The following ANXA4 variants were observed in gnomAD, a reference collection of about 807,000 sequenced individuals.
ANXA4 encodes the protein 35-beta calcimedin.
Under a neutral mutation model 49.8 loss-of-function variants are expected in ANXA4, and 39 were observed. The ratio of observed to expected loss-of-function variants is 0.78; its 90% CI spans 0.61 to 1.02. ANXA4 has a LOEUF of 1.02. Among genes scored for constraint, ANXA4 ranks in the 50% least tolerant of loss-of-function variants. The pLI, the probability that ANXA4 is intolerant of heterozygous loss-of-function variation, is 0.00. For synonymous variants in ANXA4, 134 were observed against 152.5 expected, an observed-to-expected ratio of 0.88 and a Z score of 0.89; for missense variants, 360 against 410.1, an observed-to-expected ratio of 0.88 and a Z score of 1.05.
chr2:69,732,804 T>TA (rs1344601712), intron 3 of ANXA4, among the ~76,000 whole-genome samples: 2 of 152,138 alleles, frequency 1.3e-5, no homozygotes, highest in African/African-American at 4.8e-5. Flanking sequence ...AAGCGGACCT[T>TA]AGTCAAGAAG....
intron 3 of ANXA4, among the ~76,000 whole-genome samples, chr2:69,793,453 G>A (rs182452060): frequency 3.0e-3 from 455 of 152,118 alleles, no homozygotes; most frequent in Admixed American, 6.2e-3. Flanking sequence ...TTTGATTTAA[G>A]CGCTTATTTT....
At chr2:69,652,137 C>A (rs868820916) in intron 1 of ANXA4, among the ~76,000 whole-genome samples, 1 of 152,118 alleles carries the variant, frequency 6.6e-6, no homozygotes, top group Non-Finnish European at 1.5e-5. Context: ...CTCAGCCTCC[C>A]AAGAAGCCGG....
At chr2:69,648,752 C>T (rs143014312) in intron 1 of ANXA4, among the ~76,000 whole-genome samples, 1,571 of 130,750 alleles carry the variant, frequency 0.012, 29 homozygotes, top group African/African-American at 0.045. Flanking sequence ...ACCCAGGAGG[C>T]GGAGCTTGCA....
rs187358732 is a variant in ANXA4, at chr2:69,807,818, A to G, written c.307-88A>G. ...GCAGTGGATTGTCTTTATTCTCTGC[A>G]GATTCATGACAGATGTATTCCTTCT... On this transcript the variant is annotated intron_variant, in intron 5 of 12. Transcript: ENST00000394295. The G allele has an allele frequency of 1.8e-3, 1,936 of 1,103,852 alleles. 14 individuals carry two copies. The highest frequency in any genetic ancestry group is 8.6e-3 in the Middle Eastern group (43 of 4,996). 68.4% of individuals were successfully genotyped at this position (1,103,852 alleles called of 1,614,324 possible).
At chr2:69,695,908 G>A (rs913541761) in intron 2 of ANXA4, among the ~76,000 whole-genome samples, 1 of 146,858 alleles carries the variant, frequency 6.8e-6, no homozygotes, top group African/African-American at 2.4e-5. Context: ...ATACTTTTTT[G>A]CTAAAAAAAA....
At position 69,732,650 on chromosome 2, in the gene ANXA4, C is replaced by G. The variant is rs1032829017; in HGVS notation, n.864+11779C>G. Among the ~76,000 whole-genome samples the G allele has an allele frequency of 2.0e-5, 3 of 151,974 alleles. No homozygotes were observed. In the East Asian group the frequency reaches 5.8e-4, roughly 29 times the overall value. On this transcript the variant is annotated intron_variant and non_coding_transcript_variant, in intron 3 of 3. Transcript: ENST00000418066. ...GTGCATGCCTGTAATCCCAGCTACT[C>G]TGGAGGCTGAGGTAGGAGAATCACA...
intron 2 of ANXA4, among the ~76,000 whole-genome samples, chr2:69,667,383 A>G (rs1391482630): frequency 1.3e-5 from 2 of 152,056 alleles, no homozygotes; most frequent in East Asian, 1.9e-4. Context: ...CATGGGCATA[A>G]TGATTGGTAT....
chr2:69,750,046 G>A (rs1670775741), intron 1 of ANXA4, among the ~76,000 whole-genome samples: 1 of 152,096 alleles, frequency 6.6e-6, no homozygotes. Flanking sequence ...GGGAAGGAAA[G>A]TCTTACAGAC....
intron 1 of ANXA4, among the ~76,000 whole-genome samples, chr2:69,649,820 C>G (rs1484889483): frequency 1.3e-5 from 2 of 150,786 alleles, no homozygotes; most frequent in South Asian, 2.1e-4. Context: ...CAGGGTTTCA[C>G]CATGTTGCCG....
chr2:69,673,687 G>GACACACACACAC (rs72114703), intron 2 of ANXA4, among the ~76,000 whole-genome samples: 3 of 139,220 alleles, frequency 2.2e-5, no homozygotes, highest in African/African-American at 8.0e-5. Flanking sequence ...TTTTTTCAAA[G>GACACACACACAC]ACACACACAC....
At chr2:69,761,594 C>G (rs1671290658) in intron 1 of ANXA4, among the ~76,000 whole-genome samples, 1 of 152,060 alleles carries the variant, frequency 6.6e-6, no homozygotes, top group Non-Finnish European at 1.5e-5. Context: ...CTACTCCACT[C>G]AATTGTACAT....
At chr2:69,687,301 C>A (rs902074003) in intron 2 of ANXA4, among the ~76,000 whole-genome samples, 3 of 151,950 alleles carry the variant, frequency 2.0e-5, no homozygotes, top group Non-Finnish European at 4.4e-5. Context: ...CTCAGGAGTT[C>A]GAGACCAGCC....
chr2:69,682,431 T>C (rs1336116944), intron 2 of ANXA4, among the ~76,000 whole-genome samples: 1 of 152,246 alleles, frequency 6.6e-6, no homozygotes, highest in Non-Finnish European at 1.5e-5. Context: ...TTTTATTTAA[T>C]GGTTCAGTAA....
intron 2 of ANXA4, among the ~76,000 whole-genome samples, chr2:69,699,640 A>G (rs2105386801): frequency 6.6e-6 from 1 of 152,298 alleles, no homozygotes; most frequent in Non-Finnish European, 1.5e-5. Flanking sequence ...CCAAAAAACA[A>G]AACAAAACAA....
intron 3 of ANXA4, among the ~76,000 whole-genome samples, chr2:69,732,765 A>G (rs1189273439): frequency 6.6e-6 from 1 of 152,156 alleles, no homozygotes; most frequent in Non-Finnish European, 1.5e-5. Context: ...TCTCAAAAAA[A>G]GAAAAAAAAA....
intron 2 of ANXA4, among the ~76,000 whole-genome samples, chr2:69,662,767 G>A (rs1181849970): frequency 6.6e-6 from 1 of 151,926 alleles, no homozygotes; most frequent in Non-Finnish European, 1.5e-5. Context: ...CACGCACTCA[G>A]GGCTTCCAGG....
intron 3 of ANXA4, among the ~76,000 whole-genome samples, 196 bp downstream of exon 3, chr2:69,788,337 C>T (rs958254815): frequency 1.3e-5 from 2 of 151,712 alleles, no homozygotes; most frequent in Non-Finnish European, 2.9e-5. Context: ...GCCACAAGTT[C>T]GAGACAAGCC....
chr2:69,666,550 C>T (rs1676944236), intron 2 of ANXA4, among the ~76,000 whole-genome samples: 1 of 152,172 alleles, frequency 6.6e-6, no homozygotes, highest in African/African-American at 2.4e-5. Context: ...TTCATAGCAG[C>T]ATTATTCATA....
At chr2:69,757,888 G>A (rs182223041) in intron 1 of ANXA4, among the ~76,000 whole-genome samples, 1 of 151,214 alleles carries the variant, frequency 6.6e-6, no homozygotes, top group Non-Finnish European at 1.5e-5. Flanking sequence ...GAACCCAGGG[G>A]ATGGAGGTTG....
Sources: allele counts gnomAD v4.1 joint callset (sites outside exome capture counted in the v4.1 genomes callset), GRCh38; gene constraint gnomAD v4.1.1; transcripts MANE v1.5; gene names NCBI Gene and HGNC (gene_info 2026-07-23, HGNC 2026-07-21).